Variants in LRBA observed in about 807,000 individuals in gnomAD.
LRBA encodes the protein lipopolysaccharide-responsive and beige-like anchor protein.
A neutral mutation model predicts 330.0 loss-of-function variants in LRBA; 176 were observed. The ratio of observed to expected loss-of-function variants is 0.53; its 90% CI spans 0.47 to 0.60. The LOEUF (loss-of-function observed/expected upper bound fraction) is 0.60. Ranked by LOEUF, LRBA falls within the 20% of genes least tolerant of loss-of-function variation. The probability of loss-of-function intolerance (pLI) is 0.00; values close to 1 mark genes in which losing one functional copy is unlikely to be tolerated. For synonymous variants in LRBA, 1,230 were observed against 1,193.0 expected (o/e 1.03, Z -0.64); for missense variants, 3,259 against 3,444.8 (o/e 0.95, Z 1.35).
intron 2 of LRBA, among the ~76,000 whole-genome samples, chr4:150,940,229 C>T (rs1195550462): frequency 2.7e-5 from 3 of 111,790 alleles, no homozygotes; most frequent in African/African-American, 9.8e-5. Context: ...CATAGCAAGA[C>T]CTGGTCTCTT....
rs1268247128 is a variant in LRBA at position 150,828,284 on chromosome 4, T to C, written c.5067A>G (p.Pro1689=). 1 of 1,614,050 alleles carries C rather than the reference T, an allele frequency of 6.2e-7. No homozygotes were observed. The highest frequency in any genetic ancestry group is 8.5e-7 in the Non-Finnish European group (1 of 1,180,004). The change falls in exon 30 of 57, where the codon CCA becomes CCG. Residue 1689 remains proline (P), a synonymous_variant. Transcript: ENST00000651943. Reference sequence around the variant, plus strand: ...CAGGATCCACTGTGACTCCATCTGCTGGTATGTTAACCAAGCTTCGGAGAA... The same window carrying C: ...CAGGATCCACTGTGACTCCATCTGCCGGTATGTTAACCAAGCTTCGGAGAA... ...KDILRSLVNI[P]ADGVTVDPAL...
chr4:150,677,249 C>T (rs1782637568), intron 37 of LRBA, among the ~76,000 whole-genome samples: 1 of 151,996 alleles, frequency 6.6e-6, no homozygotes, highest in Non-Finnish European at 1.5e-5. Flanking sequence ...AGAAATAGAA[C>T]TTACTGTCAA....
intron 53 of LRBA, among the ~76,000 whole-genome samples, chr4:150,294,762 C>T (rs372038164): frequency 8.9e-4 from 136 of 152,224 alleles, no homozygotes; most frequent in East Asian, 1.2e-3. Flanking sequence ...CCATCATGGC[C>T]AACATGGTGA....
chr4:150,883,624 T>G (rs1037779177), intron 17 of LRBA, among the ~76,000 whole-genome samples: 3 of 152,218 alleles, frequency 2.0e-5, no homozygotes, highest in Non-Finnish European at 4.4e-5. Flanking sequence ...TTAAAAAATG[T>G]AAATACTGAA....
chr4:150,426,994 T>G (rs558233164), intron 46 of LRBA, among the ~76,000 whole-genome samples: 3 of 151,870 alleles, frequency 2.0e-5, no homozygotes, highest in Non-Finnish European at 4.4e-5. Flanking sequence ...AATTATAATT[T>G]GGAAAGAAAT....
chr4:150,283,894 T>C (rs764948432), intron 54 of LRBA, among the ~76,000 whole-genome samples: 7 of 152,236 alleles, frequency 4.6e-5, no homozygotes, highest in African/African-American at 1.4e-4. Flanking sequence ...CTGCATTATC[T>C]GTTATTCAGT....
At chr4:150,660,464 G>A (rs559534364) in intron 37 of LRBA, among the ~76,000 whole-genome samples, 48 of 149,590 alleles carry the variant, frequency 3.2e-4, no homozygotes, top group African/African-American at 1.0e-3. Flanking sequence ...CAGCCGCCCC[G>A]TCCGGGAGGG....
At chr4:150,440,676 G>A (rs1341093146) in intron 44 of LRBA, among the ~76,000 whole-genome samples, 9 of 151,942 alleles carry the variant, frequency 5.9e-5, no homozygotes, top group Non-Finnish European at 1.3e-4. Flanking sequence ...TGGGAGGATC[G>A]CTTGAGTCCA....
intron 47 of LRBA, among the ~76,000 whole-genome samples, chr4:150,402,867 C>T (rs1276021077): frequency 6.6e-6 from 1 of 151,810 alleles, no homozygotes; most frequent in African/African-American, 2.4e-5. Flanking sequence ...CCACAAAAAA[C>T]TAAGCCGTTC....
intron 40 of LRBA, chr4:150,579,841 C>A (rs550339610): frequency 1.4e-4 from 57 of 393,422 alleles, no homozygotes; most frequent in African/African-American, 1.1e-3. Flanking sequence ...CGTCGCGGGC[C>A]GGGCCATTCG....
At chr4:150,654,839 C>T (rs1207712645) in intron 37 of LRBA, among the ~76,000 whole-genome samples, 1 of 152,018 alleles carries the variant, frequency 6.6e-6, no homozygotes, top group African/African-American at 2.4e-5. Context: ...TGATGGTTTC[C>T]AGCTTCATCC....
chr4:150,818,134 A>G (rs1256620970), intron 30 of LRBA, among the ~76,000 whole-genome samples: 1 of 152,160 alleles, frequency 6.6e-6, no homozygotes, highest in East Asian at 1.9e-4. Context: ...TAAAGTATTC[A>G]GCTTCTAAAC....
intron 34 of LRBA, among the ~76,000 whole-genome samples, chr4:150,776,632 G>A (rs557072427): frequency 6.6e-6 from 1 of 152,144 alleles, no homozygotes; most frequent in East Asian, 1.9e-4. Flanking sequence ...TGGCAACATG[G>A]TGAAACCCCA....
chr4:150,757,461 C>T (rs750589159), intron 35 of LRBA, among the ~76,000 whole-genome samples: 21 of 151,996 alleles, frequency 1.4e-4, no homozygotes, highest in Non-Finnish European at 2.5e-4. Flanking sequence ...TACACAAATA[C>T]GACATTAATC....
intron 31 of LRBA, among the ~76,000 whole-genome samples, chr4:150,812,973 T>C (rs1158246936): frequency 1.3e-5 from 2 of 151,912 alleles, no homozygotes; most frequent in Non-Finnish European, 2.9e-5. Flanking sequence ...GTCTGGGCAA[T>C]AGAACAAGAC....
chr4:150,509,306 T>G (rs1457167871), intron 40 of LRBA, among the ~76,000 whole-genome samples: 1 of 151,652 alleles, frequency 6.6e-6, no homozygotes, highest in South Asian at 2.1e-4. Context: ...AAATAACCTA[T>G]GAGTAAGAGA....
At chr4:150,501,327 T>C (rs1236748937) in intron 40 of LRBA, among the ~76,000 whole-genome samples, 1 of 152,142 alleles carries the variant, frequency 6.6e-6, no homozygotes, top group Non-Finnish European at 1.5e-5. Context: ...GTGTCTACAA[T>C]CAGGCCAGAT....
intron 2 of LRBA, among the ~76,000 whole-genome samples, chr4:150,998,376 TA>T (rs1742937170): frequency 6.7e-6 from 1 of 148,326 alleles, no homozygotes; most frequent in East Asian, 2.0e-4. Context: ...AAAAGAGAGA[TA>T]GGGTCTCATT....
At chr4:150,806,430 G>T (rs751823034) in intron 32 of LRBA, 26 bp from the exon 33 acceptor site, 1 of 1,535,964 alleles carries the variant, frequency 6.5e-7, no homozygotes, top group Admixed American at 2.0e-5. Context: ...TAAGTTACTT[G>T]AACTATTCAA....
Sources: gnomAD v4.1 joint callset for allele counts (sites outside exome capture counted in the v4.1 genomes callset) on GRCh38, gnomAD v4.1.1 for gene constraint, MANE v1.5 for transcripts, NCBI Gene and HGNC (gene_info 2026-07-23, HGNC 2026-07-21) for gene names.